RTL4: variants seen among roughly 807,000 people sequenced by gnomAD.
The protein encoded by RTL4 is retrotransposon Gag-like protein 4.
In RTL4, 4 loss-of-function variants were observed where a neutral mutation model predicts 5.3. The ratio of observed to expected loss-of-function variants is 0.75; its 90% CI spans 0.37 to 1.72. The LOEUF is 1.72. Ranked by LOEUF, RTL4 falls within the 40% of genes most tolerant of loss-of-function variation. The pLI is 0.04. For synonymous variants in RTL4, 98 were observed against 87.3 expected (o/e 1.12, Z -0.68); for missense variants, 260 against 227.1 (o/e 1.14, Z -0.93).
At chrX:112,115,717 G>T in the RTL4 span, among the ~76,000 whole-genome samples, 1 of 111,756 alleles carries the variant, frequency 8.9e-6, no homozygotes, top group Non-Finnish European at 1.9e-5. Flanking sequence ...GAAGGGAACA[G>T]AGTTCTGAAA....
At chrX:112,351,883 G>A in the RTL4 span, among the ~76,000 whole-genome samples, 1 of 111,218 alleles carries the variant, frequency 9.0e-6, no homozygotes, top group Non-Finnish European at 1.9e-5. Flanking sequence ...AGTTAATATT[G>A]TTATGTGTGA....
chrX:112,244,603 G>T, the RTL4 span, among the ~76,000 whole-genome samples: 2 of 111,487 alleles, frequency 1.8e-5, no homozygotes, highest in Non-Finnish European at 3.8e-5. Context: ...TACGTGAAAT[G>T]GGTCTCCTGA....
chrX:112,091,204 A>G, the RTL4 span, among the ~76,000 whole-genome samples: 1 of 111,288 alleles, frequency 9.0e-6, no homozygotes, highest in African/African-American at 3.3e-5. Context: ...ATTAACTTTT[A>G]CTTTTGTTAA....
At chrX:112,102,424 C>G in the RTL4 span, among the ~76,000 whole-genome samples, 1 of 111,131 alleles carries the variant, frequency 9.0e-6, no homozygotes, top group Non-Finnish European at 1.9e-5. Context: ...AACTAATAAC[C>G]ATAAAAAGTT....
At chrX:112,145,685 G>A in the RTL4 span, among the ~76,000 whole-genome samples, 6 of 111,600 alleles carry the variant, frequency 5.4e-5, no homozygotes, top group East Asian at 1.7e-3. Flanking sequence ...TGTGATAAGT[G>A]CTATGACGAA....
the RTL4 span, among the ~76,000 whole-genome samples, chrX:112,426,924 T>TA: frequency 4.5e-5 from 5 of 110,761 alleles, no homozygotes; most frequent in African/African-American, 1.6e-4. Context: ...CTGTATCTGT[T>TA]AAAAAAATCA....
chrX:112,224,806 A>G, the RTL4 span, among the ~76,000 whole-genome samples: 46,117 of 110,298 alleles, frequency 0.42, 8,633 homozygotes, highest in East Asian at 0.81. Context: ...TGGGAGTTCA[A>G]TGTTGCACTC....
chrX:112,097,593 G>A, the RTL4 span, among the ~76,000 whole-genome samples: 23 of 111,517 alleles, frequency 2.1e-4, no homozygotes, highest in African/African-American at 5.5e-4. Context: ...CTGAGATTAC[G>A]CCATCACGCT....
chrX:112,345,536 T>C, the RTL4 span, among the ~76,000 whole-genome samples: 5 of 111,341 alleles, frequency 4.5e-5, no homozygotes, highest in African/African-American at 1.3e-4. Context: ...ACACTCAGAC[T>C]GTATGCTGCC....
the RTL4 span, among the ~76,000 whole-genome samples, chrX:112,408,847 C>T: frequency 0.052 from 5,854 of 112,100 alleles, 165 homozygotes; most frequent in Middle Eastern, 0.1. Flanking sequence ...TACAGGAAAC[C>T]TTTCCGTGGA....
At chrX:112,266,738 T>A in the RTL4 span, among the ~76,000 whole-genome samples, 1 of 111,423 alleles carries the variant, frequency 9.0e-6, no homozygotes, top group Non-Finnish European at 1.9e-5. Flanking sequence ...ATGTTTGGTA[T>A]GGACTCTCAG....
the RTL4 span, among the ~76,000 whole-genome samples, chrX:112,442,064 A>T: frequency 9.0e-6 from 1 of 111,713 alleles, no homozygotes; most frequent in African/African-American, 3.2e-5. Flanking sequence ...TGCCTAGAAA[A>T]GGCAGATCAA....
chrX:112,231,923 A>G, the RTL4 span, among the ~76,000 whole-genome samples: 1 of 111,733 alleles, frequency 8.9e-6, no homozygotes, highest in Non-Finnish European at 1.9e-5. Context: ...CTAACTTGAG[A>G]GCACATGTGC....
the RTL4 span, among the ~76,000 whole-genome samples, chrX:112,213,050 G>C: frequency 8.9e-6 from 1 of 112,431 alleles, no homozygotes; most frequent in Non-Finnish European, 1.9e-5. Context: ...TTCCCTATGG[G>C]AGATTTGATA....
At chrX:112,343,611 GT>G in the RTL4 span, among the ~76,000 whole-genome samples, 1 of 111,957 alleles carries the variant, frequency 8.9e-6, no homozygotes, top group Non-Finnish European at 1.9e-5. Context: ...TAATATACTT[GT>G]GAATCTCCAA....
chrX:112,299,047 G>A, the RTL4 span, among the ~76,000 whole-genome samples: 1 of 112,167 alleles, frequency 8.9e-6, no homozygotes, highest in Non-Finnish European at 1.9e-5. Context: ...ATTCAAGACA[G>A]GGCATTAAAC....
chrX:112,190,586 T>G, the RTL4 span, among the ~76,000 whole-genome samples: 1 of 112,227 alleles, frequency 8.9e-6, no homozygotes, highest in Admixed American at 9.5e-5. Context: ...TTATAGTATT[T>G]ATGCCACAGG....
chrX:112,263,173 T>C, the RTL4 span, among the ~76,000 whole-genome samples: 1 of 101,506 alleles, frequency 9.9e-6, no homozygotes, highest in African/African-American at 3.8e-5. Flanking sequence ...CTGCATGTTG[T>C]GTACATGTAC....
chrX:112,145,557 C>G, the RTL4 span, among the ~76,000 whole-genome samples: 1 of 111,850 alleles, frequency 8.9e-6, no homozygotes, highest in East Asian at 2.8e-4. Context: ...GCTGGGGATA[C>G]AGTAGTGGAC....
Sources: gnomAD v4.1 joint callset for allele counts (sites outside exome capture counted in the v4.1 genomes callset) on GRCh38, gnomAD v4.1.1 for gene constraint, MANE v1.5 for transcripts, NCBI Gene and HGNC (gene_info 2026-07-23, HGNC 2026-07-21) for gene names.